Variants in SLC30A7 observed in about 807,000 individuals in gnomAD.
SLC30A7 encodes the protein solute carrier family 30 member 7, also known as zinc transporter 7.
Under a neutral mutation model 46.0 loss-of-function variants are expected in SLC30A7, and 35 were observed. The ratio of observed to expected loss-of-function variants is 0.76; its 90% CI spans 0.58 to 1.01. The LOEUF is 1.01. Ranked by LOEUF, SLC30A7 falls within the 50% of genes least tolerant of loss-of-function variation. The pLI is 0.00. For synonymous variants in SLC30A7, 147 were observed against 157.8 expected, an observed-to-expected ratio of 0.93 and a Z score of 0.51; for missense variants, 464 against 451.1, an observed-to-expected ratio of 1.03 and a Z score of -0.26.
At position 100,899,516 on chromosome 1, in the gene SLC30A7, T is replaced by A. The variant is rs144443828; in HGVS notation, c.182+2845T>A. On this transcript the variant is annotated intron_variant, in intron 2 of 10. Transcript: ENST00000357650. ...TGTAACAATGTGGTTTTGTATCATC[T>A]ACGGTTAAGTTTGTTTTCAAGTTAC... Among the ~76,000 whole-genome samples the A allele has an allele frequency of 2.3e-3, 356 of 152,282 alleles. 2 individuals carry two copies. The highest frequency in any genetic ancestry group is 8.1e-3 in the African/African-American group (338 of 41,550).
At chr1:100,917,334 A>G (rs891950003) in intron 6 of SLC30A7, among the ~76,000 whole-genome samples, 3 of 152,184 alleles carry the variant, frequency 2.0e-5, no homozygotes, top group African/African-American at 7.2e-5. Context: ...TTATTGCAGA[A>G]CATTGTTATA....
At chr1:100,995,095 A>T in the SLC30A7 span, 7 of 1,556,260 alleles carry the variant, frequency 4.5e-6, no homozygotes, top group Non-Finnish European at 6.2e-6. Context: ...ATGCATTCTC[A>T]GAATAATAAC....
intron 8 of SLC30A7, among the ~76,000 whole-genome samples, chr1:100,923,082 C>A (rs1461457248): frequency 3.6e-5 from 3 of 82,994 alleles, no homozygotes; most frequent in African/African-American, 4.8e-5. Context: ...GTGGCGCAAT[C>A]TCGGCTCACT....
chr1:100,971,306 C>CT (rs1229133251), intron 10 of SLC30A7, among the ~76,000 whole-genome samples: 4 of 151,104 alleles, frequency 2.6e-5, no homozygotes, highest in Non-Finnish European at 4.4e-5. Flanking sequence ...TCCACCTTTC[C>CT]TTTTTTTTTC....
chr1:100,992,651 C>G, the SLC30A7 span: 1 of 1,613,714 alleles, frequency 6.2e-7, no homozygotes. Flanking sequence ...TTCTTCTCCT[C>G]GTATTCTTTG....
intron 3 of SLC30A7, among the ~76,000 whole-genome samples, chr1:100,909,467 T>C (rs1190227963): frequency 6.6e-6 from 1 of 152,130 alleles, no homozygotes; most frequent in Admixed American, 6.5e-5. Flanking sequence ...TATACTTAAA[T>C]CTTTTCTATT....
Position 100,900,638 on chromosome 1 carries a change from A to G in SLC30A7, c.182+3967A>G, listed in dbSNP as rs1172379673. ...AGAATTTTTTTTAAAGTAAGGGACT[A>G]TATAATGGAATGTAGTGGAGTTCTG... is the stretch of plus-strand genomic sequence containing the variant. On this transcript the variant is annotated intron_variant, in intron 2 of 10. Coordinates refer to ENST00000357650, the MANE Select transcript of SLC30A7 (RefSeq NM_133496.5). Among the ~76,000 whole-genome samples the G allele has an allele frequency of 2.0e-5, 3 of 152,166 alleles. No homozygotes were observed. In the East Asian group the frequency reaches 5.8e-4, roughly 29 times the overall value.
Position 100,911,031 on chromosome 1 carries a change from A to G in SLC30A7, c.297-32A>G, listed in dbSNP as rs1016886631. 1.2e-5 allele frequency: 18 copies of G among 1,474,398 alleles called. No homozygotes were observed. The African/African-American group carries it at 2.4e-4, about 19-fold the overall frequency. 91.3% of individuals were successfully genotyped at this position (1,474,398 alleles called of 1,614,324 possible). ...GATTTAATTTTTAAGAAATAACATA[A>G]TAATTCAGTTATTTACTTTGTTCCT... On this transcript the variant is annotated intron_variant, in intron 3 of 10. Transcript: ENST00000357650.
intron 8 of SLC30A7, among the ~76,000 whole-genome samples, chr1:100,944,877 A>G (rs1654540504): frequency 6.6e-6 from 1 of 152,134 alleles, no homozygotes; most frequent in African/African-American, 2.4e-5. Flanking sequence ...GTCTTCCACA[A>G]TGGTTGAACT....
chr1:100,931,852 A>T lies in SLC30A7; in HGVS notation c.842+10011A>T, dbSNP rs115422832. On this transcript the variant is annotated intron_variant, in intron 8 of 10. Transcript: ENST00000357650. ...TTCTTTTAAACATCAAACATACTGTATTATTTTTTCCTTTACCCTAAAGCC... is the reference window on the plus strand; with the variant it reads ...TTCTTTTAAACATCAAACATACTGTTTTATTTTTTCCTTTACCCTAAAGCC... 3.4e-3 allele frequency among the ~76,000 whole-genome samples: 520 copies of T among 152,288 alleles called. 6 individuals are homozygous for T. Among genetic ancestry groups the T allele is most frequent in the African/African-American group, 0.012 (503 of 41,570 alleles).
At chr1:100,936,920 G>A (rs1237873081) in intron 8 of SLC30A7, among the ~76,000 whole-genome samples, 7 of 152,116 alleles carry the variant, frequency 4.6e-5, no homozygotes, top group Non-Finnish European at 7.4e-5. Flanking sequence ...TGTAGTATAT[G>A]TCAGAATACC....
At chr1:100,994,962 A>G in the SLC30A7 span, 25 of 581,240 alleles carry the variant, frequency 4.3e-5, no homozygotes, top group Non-Finnish European at 6.1e-5. Context: ...ACTGCTTATC[A>G]TTTCGTAAGA....
At chr1:100,941,616 A>C in intron 8 of SLC30A7, 1 of 591,188 alleles carries the variant, frequency 1.7e-6, no homozygotes, top group South Asian at 1.4e-5. Context: ...TCTTCAGTAT[A>C]CTCTTTAATG....
chr1:100,971,038 A>G (rs995499130), intron 10 of SLC30A7, among the ~76,000 whole-genome samples: 2 of 151,990 alleles, frequency 1.3e-5, no homozygotes, highest in Admixed American at 6.6e-5. Context: ...CTTGTGCCTG[A>G]TAAGTCCTAA....
In SLC30A7 at chr1:100,921,771, A is replaced by G; in HGVS notation, c.772A>G (p.Met258Val). The G allele has an allele frequency of 6.2e-7, 1 of 1,613,098 alleles. No homozygotes were observed. The highest frequency in any genetic ancestry group is 8.5e-7 in the Non-Finnish European group (1 of 1,179,468). ...SIGVIASAIM[M>V]QNFGLMIADP... ...TGGTGTAATTGCTTCTGCCATCATG[A>G]TGCAAAATTTTGGTCTGATGATAGC... The change falls in exon 8 of 11, where the codon ATG becomes GTG. Residue 258 changes from methionine to valine, a missense_variant. Transcript: ENST00000357650.
chr1:100,962,168 T>C (rs2101086027), intron 9 of SLC30A7, among the ~76,000 whole-genome samples: 1 of 152,324 alleles, frequency 6.6e-6, no homozygotes, highest in Admixed American at 6.5e-5. Context: ...AGAATATCTA[T>C]AGCAGAGATA....
chr1:100,953,526 T>G (rs535090562), intron 8 of SLC30A7, among the ~76,000 whole-genome samples: 1 of 152,344 alleles, frequency 6.6e-6, no homozygotes, highest in East Asian at 1.9e-4. Flanking sequence ...TCTTGACTTC[T>G]GTGCTTTTTA....
intron 8 of SLC30A7, among the ~76,000 whole-genome samples, chr1:100,961,305 T>C (rs756291163): frequency 1.3e-5 from 2 of 152,112 alleles, no homozygotes; most frequent in Non-Finnish European, 2.9e-5. Context: ...AAGCAGTAGT[T>C]TCAAATACTA....
At chr1:100,994,669 G>A in the SLC30A7 span, among the ~76,000 whole-genome samples, 1 of 152,012 alleles carries the variant, frequency 6.6e-6, no homozygotes, top group Admixed American at 6.6e-5. Flanking sequence ...TGAGATTAAA[G>A]GCACGTGCCA....
Sources: gnomAD v4.1 joint callset for allele counts (sites outside exome capture counted in the v4.1 genomes callset) on GRCh38, gnomAD v4.1.1 for gene constraint, MANE v1.5 for transcripts, NCBI Gene and HGNC (gene_info 2026-07-23, HGNC 2026-07-21) for gene names.